MIPEP: variants seen among roughly 807,000 people sequenced by gnomAD.
The protein encoded by MIPEP is mitochondrial intermediate peptidase.
MIPEP carries 79 observed loss-of-function variants against 90.3 expected under a neutral mutation model. The ratio of observed to expected loss-of-function variants is 0.87; its 90% CI spans 0.73 to 1.05. MIPEP has a LOEUF of 1.05. MIPEP is among the 50% of genes least tolerant of loss of function. The probability of loss-of-function intolerance (pLI) is 0.00; values close to 1 mark genes in which losing one functional copy is unlikely to be tolerated. For missense variants in MIPEP, 940 were observed against 905.6 expected, an observed-to-expected ratio of 1.04 and a Z score of -0.49; for synonymous variants, 334 against 315.8, an observed-to-expected ratio of 1.06 and a Z score of -0.61.
chr13:23,873,166 C>T (rs1042368983), intron 5 of MIPEP, among the ~76,000 whole-genome samples: 4 of 152,220 alleles, frequency 2.6e-5, no homozygotes, highest in African/African-American at 9.7e-5. Flanking sequence ...TTCATGGGGA[C>T]TTCAGCCAGG....
chr13:23,889,251 G>A lies in MIPEP; in HGVS notation c.70C>T (p.Arg24Trp), dbSNP rs781620592. 7.2e-7 allele frequency: 1 copy of A among 1,390,018 alleles called. No homozygotes were observed. Among genetic ancestry groups the A allele is most frequent in the Non-Finnish European group, 9.3e-7 (1 of 1,071,914 alleles). 86.1% of individuals were successfully genotyped at this position (1,390,018 alleles called of 1,614,324 possible). Residue 24 changes from arginine (R) to tryptophan (W), a missense_variant, in exon 1 of 19, where the codon CGG becomes TGG. By Grantham distance (101) the Arg-to-Trp change is moderately radical (BLOSUM62 -3). Transcript: ENST00000382172. ...CGGATCCCGGCTTCGAGGCTTCCCCGGCCCGCCCGGCGGGGCGGCAGAGCT... is the reference window on the plus strand; with the variant it reads ...CGGATCCCGGCTTCGAGGCTTCCCCAGCCCGCCCGGCGGGGCGGCAGAGCT... ...AAALPPRRAG[R>W]GSLEAGIRAR...
chr13:23,821,473 C>A (rs1160907100), intron 14 of MIPEP, among the ~76,000 whole-genome samples: 1 of 152,118 alleles, frequency 6.6e-6, no homozygotes, highest in Non-Finnish European at 1.5e-5. Context: ...ACGAAATGGG[C>A]TGTAAGAGAA....
chr13:23,732,493 C>T (rs1392533286), intron 18 of MIPEP, among the ~76,000 whole-genome samples: 1 of 152,084 alleles, frequency 6.6e-6, no homozygotes, highest in Non-Finnish European at 1.5e-5. Context: ...CTTGTACAAC[C>T]CCAAGCTTGA....
At chr13:23,847,618 G>C (rs1869607726) in intron 10 of MIPEP, among the ~76,000 whole-genome samples, 1 of 152,174 alleles carries the variant, frequency 6.6e-6, no homozygotes, top group Admixed American at 6.5e-5. Context: ...GTAGCTATTA[G>C]AAAGAGGAGG....
chr13:23,834,137 G>T (rs952372528), intron 14 of MIPEP, among the ~76,000 whole-genome samples: 1 of 152,146 alleles, frequency 6.6e-6, no homozygotes, highest in Non-Finnish European at 1.5e-5. Context: ...CGGGATGAGG[G>T]GAGAGGGGCC....
At chr13:23,817,788 T>C (rs577816127) in intron 14 of MIPEP, among the ~76,000 whole-genome samples, 21 of 151,988 alleles carry the variant, frequency 1.4e-4, no homozygotes, top group Non-Finnish European at 2.6e-4. Flanking sequence ...GGCACTTCCA[T>C]CCAAAATTTG....
intron 18 of MIPEP, among the ~76,000 whole-genome samples, chr13:23,754,562 A>G (rs1952472545): frequency 6.6e-6 from 1 of 152,244 alleles, no homozygotes; most frequent in South Asian, 2.1e-4. Context: ...TGGATAAAGA[A>G]CAGAATTTTT....
chr13:23,822,570 TGCTGTGTGAAA>T (rs952363644), intron 14 of MIPEP, among the ~76,000 whole-genome samples: 1 of 152,228 alleles, frequency 6.6e-6, no homozygotes, highest in Admixed American at 6.5e-5. Context: ...AATCAGCCAT[TGCTGTGTGAAA>T]GGTCCCCTTA....
In MIPEP at chr13:23,731,448, G is replaced by A. The variant is rs538603794; in HGVS notation, c.2045-1003C>T. Among the ~76,000 whole-genome samples the A allele has an allele frequency of 4.6e-5, 7 of 152,090 alleles. No homozygotes were observed. In the South Asian group the frequency reaches 1.2e-3, roughly 27 times the overall value. On this transcript the variant is annotated intron_variant, in intron 18 of 18. Transcript: ENST00000382172. ...GCTGGGCAGAACTGCATATCCATACGGCAGAAAACTAGCCTTGACTCCTAC... is the reference window on the plus strand; with the variant it reads ...GCTGGGCAGAACTGCATATCCATACAGCAGAAAACTAGCCTTGACTCCTAC...
intron 18 of MIPEP, among the ~76,000 whole-genome samples, chr13:23,746,970 A>G (rs1952390428): frequency 6.6e-6 from 1 of 152,218 alleles, no homozygotes; most frequent in Non-Finnish European, 1.5e-5. Flanking sequence ...CAAAACAAGC[A>G]CTACCCACCA....
chr13:23,755,392 T>C (rs1952481331), intron 18 of MIPEP, among the ~76,000 whole-genome samples: 1 of 152,210 alleles, frequency 6.6e-6, no homozygotes, highest in Admixed American at 6.5e-5. Context: ...AAGGCAAGAA[T>C]CTGGAATTCT....
rs531612513 is a variant in MIPEP, at chr13:23,750,434, C to T, written c.2044+6111G>A. 1.5e-3 allele frequency among the ~76,000 whole-genome samples: 228 copies of T among 152,288 alleles called. 2 individuals carry two copies. Among genetic ancestry groups the T allele is most frequent in the African/African-American group, 5.4e-3 (223 of 41,542 alleles). Reference sequence around the variant, plus strand: ...ACCTTGACAGTTTTGAGGAGTACTGCTTAGGCAGTTTGCAGAATGTCCTGA... The same window carrying T: ...ACCTTGACAGTTTTGAGGAGTACTGTTTAGGCAGTTTGCAGAATGTCCTGA... On this transcript the variant is annotated intron_variant, in intron 18 of 18. Coordinates refer to ENST00000382172, the MANE Select transcript of MIPEP (RefSeq NM_005932.4).
chr13:23,889,081 A>T, intron 1 of MIPEP, 51 bp downstream of exon 1: 5 of 1,357,072 alleles, frequency 3.7e-6, no homozygotes, highest in Non-Finnish European at 3.8e-6. Flanking sequence ...CGCGCGGAGC[A>T]GGGGTCGGCT....
chr13:23,768,485 A>G (rs2061332562), intron 16 of MIPEP, among the ~76,000 whole-genome samples: 1 of 152,176 alleles, frequency 6.6e-6, no homozygotes, highest in Admixed American at 6.5e-5. Flanking sequence ...GGAGGCCAAT[A>G]AAAACAGATT....
At chr13:23,738,121 C>A (rs1300747785) in intron 18 of MIPEP, among the ~76,000 whole-genome samples, 2 of 151,948 alleles carry the variant, frequency 1.3e-5, no homozygotes, top group African/African-American at 4.8e-5. Context: ...TGCCTAAATG[C>A]CTAATGTGAA....
chr13:23,734,304 TA>T (rs1952236834), intron 18 of MIPEP, among the ~76,000 whole-genome samples: 1 of 152,184 alleles, frequency 6.6e-6, no homozygotes, highest in African/African-American at 2.4e-5. Context: ...CTCTGCTCCT[TA>T]AAACCACTCC....
intron 10 of MIPEP, among the ~76,000 whole-genome samples, chr13:23,854,437 CAAA>C (rs528623281): frequency 1.3e-3 from 194 of 149,884 alleles, no homozygotes; most frequent in African/African-American, 4.6e-3. Flanking sequence ...TTTCTCACAT[CAAA>C]AAAAAAGTCC....
At chr13:23,822,287 T>C (rs993114043) in intron 14 of MIPEP, among the ~76,000 whole-genome samples, 2 of 152,236 alleles carry the variant, frequency 1.3e-5, no homozygotes, top group Admixed American at 6.5e-5. Flanking sequence ...GTAATTTCTG[T>C]GTTTATTTTT....
chr13:23,885,837 G>A (rs1871454969), intron 2 of MIPEP, among the ~76,000 whole-genome samples: 1 of 150,932 alleles, frequency 6.6e-6, no homozygotes, highest in Non-Finnish European at 1.5e-5. Flanking sequence ...CACTTTGGGA[G>A]GCCGAGGCAG....
Sources: allele counts gnomAD v4.1 joint callset (sites outside exome capture counted in the v4.1 genomes callset), GRCh38; gene constraint gnomAD v4.1.1; transcripts MANE v1.5; gene names NCBI Gene and HGNC (gene_info 2026-07-23, HGNC 2026-07-21).